Variants in RMDN3 observed in about 807,000 individuals in gnomAD.
The protein encoded by RMDN3 is regulator of microtubule dynamics 3.
In RMDN3, 41 loss-of-function variants were observed where a neutral mutation model predicts 61.8. That is an observed-to-expected ratio of 0.66 (90% CI 0.52 to 0.86). RMDN3 has a LOEUF of 0.86. Ranked by LOEUF, RMDN3 falls within the 40% of genes least tolerant of loss-of-function variation. The pLI is 0.00. For synonymous variants in RMDN3, 247 were observed against 232.0 expected (o/e 1.06, Z -0.59); for missense variants, 557 against 585.3 (o/e 0.95, Z 0.50).
At chr15:40,751,611 A>G in intron 3 of RMDN3, 42 bp from the exon 4 acceptor site, 1 of 1,613,402 alleles carries the variant, frequency 6.2e-7, no homozygotes, top group Non-Finnish European at 8.5e-7. Context: ...ATTAGGTCCC[A>G]TCCAGCTTGT....
rs140356768 is a variant in RMDN3, at chr15:40,743,615, CCTTTGCCAACAGA to C, written c.910+419_910+431del. Among the ~76,000 whole-genome samples the C allele has an allele frequency of 9.4e-3, 1,431 of 152,210 alleles. 21 individuals carry two copies. Among genetic ancestry groups the C allele is most frequent in the African/African-American group, 0.033 (1,372 of 41,514 alleles). On this transcript the variant is annotated intron_variant, in intron 6 of 12. Transcript: ENST00000338376. ...ATGCACCCTATCCTCCAGGGTGGAG[CCTTTGCCAACAGA>C]CTTGCCAAGTGGATTCCAGAGTCTT...
intron 3 of RMDN3, 55 bp downstream of exon 3, chr15:40,751,931 C>A: frequency 1.9e-6 from 3 of 1,563,982 alleles, no homozygotes; most frequent in Non-Finnish European, 2.6e-6. Flanking sequence ...GAACACACCC[C>A]AGCTGAAAAG....
intron 6 of RMDN3, among the ~76,000 whole-genome samples, chr15:40,740,417 G>A (rs377412507): frequency 6.6e-6 from 1 of 152,192 alleles, no homozygotes; most frequent in Non-Finnish European, 1.5e-5. Context: ...AGGCTGAGGC[G>A]GGTAGAGCGC....
Position 40,737,301 on chromosome 15 carries a change from A to G in RMDN3, c.1265T>C (p.Val422Ala). ...LQPGFSKAGR[V>A]YISKCYRELG... ...AAATGAGTTTACCTTGGAAATATATACCCTTCCTGCTTTGGAAAATCCTGG... is the reference window on the plus strand; with the variant it reads ...AAATGAGTTTACCTTGGAAATATATGCCCTTCCTGCTTTGGAAAATCCTGG... The change falls in exon 11 of 13, where the codon GTA (valine) becomes GCA (alanine). Residue 422 changes from valine to alanine, a missense_variant. Val to Ala is a moderately conservative substitution (Grantham distance 64). Coordinates refer to ENST00000338376, the MANE Select transcript of RMDN3 (RefSeq NM_018145.3). The G allele has an allele frequency of 6.2e-7, 1 of 1,613,894 alleles. No homozygotes were observed. The highest frequency in any genetic ancestry group is 8.5e-7 in the Non-Finnish European group (1 of 1,179,892).
intron 4 of RMDN3, among the ~76,000 whole-genome samples, chr15:40,746,669 G>A (rs1897578494): frequency 6.6e-6 from 1 of 152,166 alleles, no homozygotes; most frequent in South Asian, 2.1e-4. Flanking sequence ...AAACCACAAG[G>A]TGGCAGGCTC....
intron 5 of RMDN3, among the ~76,000 whole-genome samples, chr15:40,744,614 ACTCTGC>A (rs765813866): frequency 2.7e-5 from 4 of 150,280 alleles, no homozygotes; most frequent in South Asian, 4.2e-4. Flanking sequence ...GGCAGCTTGG[ACTCTGC>A]CTCAAGGGAA....
At chr15:40,745,391 T>A in intron 4 of RMDN3, 132 bp from the exon 5 acceptor site, 12 of 723,114 alleles carry the variant, frequency 1.7e-5, no homozygotes, top group Non-Finnish European at 2.7e-5. Context: ...CATTCATACC[T>A]CTTAAGGGCA....
At position 40,747,273 on chromosome 15, in the gene RMDN3, G is replaced by A. The variant is rs572676565; in HGVS notation, c.525-2014C>T. ...ATCAGCACAGAATCCCCTGGGACCT[G>A]AGCTGCGATGCTGCCATCCCTCTGG... On this transcript the variant is annotated intron_variant, in intron 4 of 12. Coordinates refer to ENST00000338376, the MANE Select transcript of RMDN3 (RefSeq NM_018145.3). 1.2e-4 allele frequency among the ~76,000 whole-genome samples: 19 copies of A among 152,320 alleles called. 1 individual carries two copies. The South Asian group carries it at 3.9e-3, about 32-fold the overall frequency.
In RMDN3 at chr15:40,738,170, T is replaced by G; in HGVS notation, c.1048-128A>C. On this transcript the variant is annotated intron_variant, in intron 8 of 12. Transcript: ENST00000338376. ...GGGAAGCTGAGGCAGGTGGATCACC[T>G]GAGGTCAGGAGTTCGAAACCAGTCC... is the stretch of plus-strand genomic sequence containing the variant. 5 of 951,156 alleles carry G rather than the reference T, an allele frequency of 5.3e-6. No individual in the cohort carries two copies. In the South Asian group the frequency reaches 5.6e-5, roughly 11 times the overall value. The allele number at this position is 951,156 out of a possible 1,614,324, so 58.9% of individuals were successfully genotyped here. A position where few individuals can be genotyped will look rare whatever the true frequency, so the allele number is the denominator to read the frequency against.
intron 10 of RMDN3, 127 bp downstream of exon 10, chr15:40,737,501 C>G (rs1214375712): frequency 8.8e-7 from 1 of 1,133,638 alleles, no homozygotes; most frequent in African/African-American, 1.6e-5. Flanking sequence ...CTGGTTTTCC[C>G]ATAGAACAGG....
At position 40,736,129 on chromosome 15, in the gene RMDN3, T is replaced by A. The variant is rs1348136971; in HGVS notation, c.*412A>T. 6.1e-6 allele frequency: 1 copy of A among 163,750 alleles called. No individual in the cohort carries two copies. The highest frequency in any genetic ancestry group is 1.3e-5 in the Non-Finnish European group (1 of 76,176). 10.1% of individuals were successfully genotyped at this position (163,750 alleles called of 1,614,324 possible). A position where few individuals can be genotyped will look rare whatever the true frequency, so the allele number is the denominator to read the frequency against. On this transcript the variant is annotated 3_prime_UTR_variant, in exon 13 of 13. Transcript: ENST00000338376. ...TTTTACCTTGGTAGGTAAGGTATGA[T>A]CTTAAGACTATATGTACTGAGTCCT...
intron 7 of RMDN3, chr15:40,738,823 T>G (rs1466775795): frequency 1.8e-6 from 1 of 547,426 alleles, no homozygotes; most frequent in Non-Finnish European, 3.3e-6. Context: ...AAAAGCTGGG[T>G]TCACCACAGT....
chr15:40,738,536 T>C lies in RMDN3; in HGVS notation c.1012A>G (p.Ile338Val). The change falls in exon 8 of 13, where the codon ATC (isoleucine) becomes GTC (valine). Residue 338 changes from isoleucine to valine, a missense_variant. Coordinates refer to ENST00000338376, the MANE Select transcript of RMDN3 (RefSeq NM_018145.3). ...AAGCCACTCTGGATGCGCCTCTGGATGCTCTCATGCTCAGCCAGCTGACCA... is the reference window on the plus strand; with the variant it reads ...AAGCCACTCTGGATGCGCCTCTGGACGCTCTCATGCTCAGCCAGCTGACCA... The part of the protein sequence containing the change: ...LCGQLAEHES[I>V]QRRIQSGFSF... 1 of 1,614,128 alleles carries C rather than the reference T, an allele frequency of 6.2e-7. No homozygotes were observed. The highest frequency in any genetic ancestry group is 1.6e-4 in the Middle Eastern group (1 of 6,062).
At chr15:40,746,364 A>C (rs982006117) in intron 4 of RMDN3, among the ~76,000 whole-genome samples, 1 of 151,914 alleles carries the variant, frequency 6.6e-6, no homozygotes, top group African/African-American at 2.4e-5. Context: ...AAAATACAAA[A>C]AATTAGCCAG....
intron 4 of RMDN3, among the ~76,000 whole-genome samples, chr15:40,749,731 T>C (rs151071131): frequency 6.6e-6 from 1 of 152,342 alleles, no homozygotes; most frequent in Non-Finnish European, 1.5e-5. Context: ...TCAATTCAGA[T>C]GTATCAAATA....
At chr15:40,741,381 T>C (rs755442453) in intron 6 of RMDN3, among the ~76,000 whole-genome samples, 14 of 151,990 alleles carry the variant, frequency 9.2e-5, no homozygotes, top group Non-Finnish European at 1.9e-4. Context: ...GATCCAACAA[T>C]ATTAATTAGC....
chr15:40,748,362 C>T (rs181219529), intron 4 of RMDN3, among the ~76,000 whole-genome samples: 218 of 152,350 alleles, frequency 1.4e-3, no homozygotes, highest in African/African-American at 4.9e-3. Flanking sequence ...AGAGAACAGC[C>T]GGCTCAACCA....
chr15:40,744,171 G>A, intron 5 of RMDN3, 22 bp from the exon 6 acceptor site: 1 of 1,609,838 alleles, frequency 6.2e-7, no homozygotes, highest in Non-Finnish European at 8.5e-7. Flanking sequence ...ACAGAAACGG[G>A]TGAGGCCCCT....
Position 40,737,729 on chromosome 15 carries a change from G to T in RMDN3, c.1126-3C>A, listed in dbSNP as rs1446568639. 6.2e-7 allele frequency: 1 copy of T among 1,613,404 alleles called. No homozygotes were observed. Among genetic ancestry groups the T allele is most frequent in the Non-Finnish European group, 8.5e-7 (1 of 1,179,522 alleles). ...TCTAGCCAGCTCAGGTGAGAGACCTGCCACAAAAAGATCAAGGTGTGTATA... is the reference window on the plus strand; with the variant it reads ...TCTAGCCAGCTCAGGTGAGAGACCTTCCACAAAAAGATCAAGGTGTGTATA... On this transcript the variant is annotated splice_polypyrimidine_tract_variant and splice_region_variant and intron_variant, in intron 9 of 12. Transcript: ENST00000338376.
Sources: allele counts gnomAD v4.1 joint callset (sites outside exome capture counted in the v4.1 genomes callset), GRCh38; gene constraint gnomAD v4.1.1; transcripts MANE v1.5; gene names NCBI Gene and HGNC (gene_info 2026-07-23, HGNC 2026-07-21).